The following TTLL5 variants were observed in gnomAD, a reference collection of about 807,000 sequenced individuals.
The protein encoded by TTLL5 is tubulin polyglutamylase TTLL5.
A neutral mutation model predicts 168.4 loss-of-function variants in TTLL5; 132 were observed. That is an observed-to-expected ratio of 0.78 (90% CI 0.68 to 0.91). The LOEUF is 0.91. Ranked by LOEUF, TTLL5 falls within the 40% of genes least tolerant of loss-of-function variation. The pLI, the probability that TTLL5 is intolerant of heterozygous loss-of-function variation, is 0.00. For synonymous variants in TTLL5, 546 were observed against 558.6 expected (o/e 0.98, Z 0.32); for missense variants, 1,545 against 1,581.5 (o/e 0.98, Z 0.39).
intron 27 of TTLL5, among the ~76,000 whole-genome samples, chr14:75,801,429 G>A (rs1220032316): frequency 6.6e-6 from 1 of 152,102 alleles, no homozygotes; most frequent in East Asian, 1.9e-4. Context: ...GGGTAAAGGT[G>A]TCCATCACCT....
In TTLL5 at chr14:75,744,035, A is replaced by T. The variant is rs147909094; in HGVS notation, c.1282-1060A>T. On this transcript the variant is annotated intron_variant, in intron 15 of 31. Transcript: ENST00000298832. ...ATGAGAATTTTTGAGAGAAACCAAC[A>T]TTCAGTCCATAACAACGGGTGTTGC... Among the ~76,000 whole-genome samples the T allele has an allele frequency of 1.6e-3, 249 of 152,302 alleles. 5 individuals are homozygous for T. Among genetic ancestry groups the T allele is most frequent in the African/African-American group, 5.6e-3 (231 of 41,566 alleles).
rs9323623 is a variant in TTLL5 at position 75,821,803 on chromosome 14, C to T, written c.3326+1642C>T. Among the ~76,000 whole-genome samples, 21 of 152,076 alleles carry T rather than the reference C, an allele frequency of 1.4e-4. No individual in the cohort carries two copies. In the South Asian group the frequency reaches 4.4e-3, roughly 32 times the overall value. Reference sequence around the variant, plus strand: ...GCGATAATGCTCATGGTGCATTACACGATTTACTTCTGACCCATTCCAGCC... The same window carrying T: ...GCGATAATGCTCATGGTGCATTACATGATTTACTTCTGACCCATTCCAGCC... On this transcript the variant is annotated intron_variant, in intron 28 of 31. Coordinates refer to ENST00000298832, the MANE Select transcript of TTLL5 (RefSeq NM_015072.5).
rs1179882322 is a variant in TTLL5, at chr14:75,773,975, G to A, written c.2137-1509G>A. The stretch of plus-strand genomic sequence containing the variant: ...AGAGAGAAAGAGAGAGAGAGAGAGA[G>A]AGAGAGAGAGAGAGAGAGAGAGAGC... On this transcript the variant is annotated intron_variant, in intron 21 of 31. Transcript: ENST00000298832. Among the ~76,000 whole-genome samples the A allele has an allele frequency of 3.4e-3, 457 of 135,582 alleles. 6 individuals carry two copies. Among genetic ancestry groups the A allele is most frequent in the African/African-American group, 0.012 (419 of 35,148 alleles). The allele number at this position is 135,582 out of a possible 152,430, so 88.9% of individuals were successfully genotyped here. A position where few individuals can be genotyped will look rare whatever the true frequency, so the allele number is the denominator to read the frequency against.
At chr14:75,775,728 C>T in intron 22 of TTLL5, 98 bp downstream of exon 22, 1 of 1,435,062 alleles carries the variant, frequency 7.0e-7, no homozygotes, top group Non-Finnish European at 9.4e-7. Context: ...AGACACTCTT[C>T]TTCTGTTCTC....
chr14:75,882,326 T>C (rs919842632), intron 29 of TTLL5, among the ~76,000 whole-genome samples: 1 of 152,214 alleles, frequency 6.6e-6, no homozygotes, highest in Non-Finnish European at 1.5e-5. Context: ...TTCTAGTACT[T>C]CACGCCTCGA....
intron 31 of TTLL5, among the ~76,000 whole-genome samples, chr14:75,929,978 G>T (rs2034220826): frequency 6.6e-6 from 1 of 152,040 alleles, no homozygotes; most frequent in African/African-American, 2.4e-5. Flanking sequence ...TTTATATATG[G>T]CAAGGGGACT....
chr14:75,820,919 G>A (rs867667443), intron 28 of TTLL5, among the ~76,000 whole-genome samples: 1 of 152,012 alleles, frequency 6.6e-6, no homozygotes, highest in East Asian at 1.9e-4. Context: ...AAATGTGACT[G>A]TTACAGTGAA....
At chr14:75,889,791 C>G (rs997571522) in intron 30 of TTLL5, among the ~76,000 whole-genome samples, 22 of 143,730 alleles carry the variant, frequency 1.5e-4, no homozygotes, top group African/African-American at 5.5e-4. Flanking sequence ...GATTGCGCCA[C>G]TGCACTCCAG....
rs1023283057 is a variant in TTLL5, at chr14:75,681,000, G to T, written c.182-545G>T. ...TCTGGAGAAGCCCATGGGCCTCTTC[G>T]CAGAAGAGTGTTTTAAAATAGATTT... On this transcript the variant is annotated intron_variant, in intron 3 of 31. Transcript: ENST00000298832. Among the ~76,000 whole-genome samples, 3 of 152,094 alleles carry T rather than the reference G, an allele frequency of 2.0e-5. No homozygotes were observed. In the East Asian group the frequency reaches 5.8e-4, roughly 29 times the overall value.
chr14:75,875,977 G>A lies in TTLL5; in HGVS notation c.3523-6708G>A, dbSNP rs193287032. ...AGTCTGCCAACCTTTTTATGTATGT[G>A]TGTGTGATCAAACAGTGCTGGGCAT... is the stretch of plus-strand genomic sequence containing the variant. On this transcript the variant is annotated intron_variant, in intron 29 of 31. Transcript: ENST00000298832. 2.0e-5 allele frequency among the ~76,000 whole-genome samples: 3 copies of A among 152,354 alleles called. No homozygotes were observed. The East Asian group carries it at 5.8e-4, about 29-fold the overall frequency.
chr14:75,703,819 A>G (rs1246159265), intron 7 of TTLL5, among the ~76,000 whole-genome samples: 1 of 152,208 alleles, frequency 6.6e-6, no homozygotes, highest in Non-Finnish European at 1.5e-5. Context: ...TTGCTCAACA[A>G]GTATTTCAGG....
chr14:75,942,468 T>G lies in TTLL5; in HGVS notation c.3824-11956T>G, dbSNP rs144696965. Reference sequence around the variant, plus strand: ...AATTTGTAAGATGCGATCTCAGCACTTAAGAGTGTAGCAGTGAAAATAAGC... The same window carrying G: ...AATTTGTAAGATGCGATCTCAGCACGTAAGAGTGTAGCAGTGAAAATAAGC... On this transcript the variant is annotated intron_variant, in intron 31 of 31. Coordinates refer to ENST00000298832, the MANE Select transcript of TTLL5 (RefSeq NM_015072.5). Among the ~76,000 whole-genome samples the G allele has an allele frequency of 1.5e-3, 227 of 152,238 alleles. 1 individual carries two copies. The highest frequency in any genetic ancestry group is 5.1e-3 in the African/African-American group (214 of 41,554).
intron 31 of TTLL5, among the ~76,000 whole-genome samples, chr14:75,925,992 T>C (rs895389228): frequency 2.6e-5 from 4 of 151,318 alleles, no homozygotes; most frequent in African/African-American, 9.8e-5. Flanking sequence ...TGAGCCGAGA[T>C]GGCGGCAGTA....
intron 28 of TTLL5, among the ~76,000 whole-genome samples, chr14:75,862,576 G>C (rs1394796041): frequency 6.6e-6 from 1 of 152,146 alleles, no homozygotes; most frequent in East Asian, 1.9e-4. Context: ...AAAGTGATCT[G>C]AGAGGGGAAA....
At chr14:75,952,340 A>G (rs1312521678) in intron 31 of TTLL5, among the ~76,000 whole-genome samples, 1 of 152,180 alleles carries the variant, frequency 6.6e-6, no homozygotes, top group Non-Finnish European at 1.5e-5. Flanking sequence ...AAAACACAGC[A>G]GTGTATCACT....
chr14:75,776,889 C>A, intron 23 of TTLL5, 39 bp downstream of exon 23: 1 of 1,497,262 alleles, frequency 6.7e-7, no homozygotes, highest in Non-Finnish European at 9.3e-7. Context: ...TGTCTTATTC[C>A]ATCTTCCATA....
At chr14:75,805,552 A>G (rs868621714) in intron 27 of TTLL5, among the ~76,000 whole-genome samples, 4 of 151,830 alleles carry the variant, frequency 2.6e-5, no homozygotes, top group Middle Eastern at 3.4e-3. Flanking sequence ...GTACTTCTCT[A>G]TGGATTTCTC....
At chr14:75,914,029 A>ATATATATATATAT (rs1555356357) in intron 31 of TTLL5, among the ~76,000 whole-genome samples, 1 of 78,336 alleles carries the variant, frequency 1.3e-5, no homozygotes, top group African/African-American at 1.8e-4. Context: ...AAAAAAAAAA[A>ATATATATATATAT]AAAAATATAT....
intron 31 of TTLL5, among the ~76,000 whole-genome samples, chr14:75,926,386 T>C (rs2034071146): frequency 6.6e-6 from 1 of 152,074 alleles, no homozygotes; most frequent in African/African-American, 2.4e-5. Flanking sequence ...TTTGATCCTG[T>C]CATTATGATG....
Sources: gnomAD v4.1 joint callset for allele counts (sites outside exome capture counted in the v4.1 genomes callset) on GRCh38, gnomAD v4.1.1 for gene constraint, MANE v1.5 for transcripts, NCBI Gene and HGNC (gene_info 2026-07-23, HGNC 2026-07-21) for gene names.